The following ESRRG variants were observed in gnomAD, a reference collection of about 807,000 sequenced individuals.
ESRRG encodes estrogen-related receptor gamma.
ESRRG carries 13 observed loss-of-function variants against 44.0 expected under a neutral mutation model. The ratio of observed to expected loss-of-function variants is 0.30; its 90% confidence interval spans 0.19 to 0.47. The LOEUF (loss-of-function observed/expected upper bound fraction) is 0.47. Among genes scored for constraint, ESRRG ranks in the 20% least tolerant of loss-of-function variants. The pLI, the probability that ESRRG is intolerant of heterozygous loss-of-function variation, is 1.00. For missense variants in ESRRG, 395 were observed against 580.6 expected, an observed-to-expected ratio of 0.68 and a Z score of 3.29; for synonymous variants, 215 against 214.6, an observed-to-expected ratio of 1.00 and a Z score of -0.02.
intron 3 of ESRRG, among the ~76,000 whole-genome samples, chr1:216,615,473 A>G (rs2061297836): frequency 6.6e-6 from 1 of 152,116 alleles, no homozygotes; most frequent in Admixed American, 6.5e-5. Context: ...CATGACGTAC[A>G]ATCTCTGTTA....
At chr1:216,878,767 A>AT (rs2096396945) in intron 2 of ESRRG, among the ~76,000 whole-genome samples, 1 of 152,236 alleles carries the variant, frequency 6.6e-6, no homozygotes, top group Non-Finnish European at 1.5e-5. Context: ...AATGTTCAAA[A>AT]TAGGCTGTTG....
At chr1:216,534,323 A>G (rs1034742127) in intron 5 of ESRRG, among the ~76,000 whole-genome samples, 2 of 152,148 alleles carry the variant, frequency 1.3e-5, no homozygotes, top group Admixed American at 6.6e-5. Flanking sequence ...TATTTAGTGC[A>G]TTATTTAAAG....
chr1:217,102,119 T>A (rs1171502401), intron 1 of ESRRG, among the ~76,000 whole-genome samples: 1 of 152,220 alleles, frequency 6.6e-6, no homozygotes, highest in Non-Finnish European at 1.5e-5. Context: ...ACCAACTTTT[T>A]AAAATAAATT....
intron 2 of ESRRG, among the ~76,000 whole-genome samples, chr1:216,918,564 G>A (rs1416349240): frequency 2.0e-5 from 3 of 151,896 alleles, no homozygotes; most frequent in Admixed American, 2.0e-4. Flanking sequence ...TCCTCTTCCT[G>A]TCTCTAGAGA....
chr1:216,609,973 C>G (rs988235269), intron 3 of ESRRG, among the ~76,000 whole-genome samples: 4 of 152,108 alleles, frequency 2.6e-5, no homozygotes, highest in African/African-American at 9.7e-5. Context: ...GCATTTATCA[C>G]CTCTCAAGAG....
At chr1:216,586,434 T>C (rs948855391) in intron 3 of ESRRG, among the ~76,000 whole-genome samples, 1 of 152,192 alleles carries the variant, frequency 6.6e-6, no homozygotes, top group Non-Finnish European at 1.5e-5. Context: ...AGTTAAAAGT[T>C]TCATTAATTT....
chr1:217,005,380 C>T (rs1416541), intron 1 of ESRRG, among the ~76,000 whole-genome samples: 114,236 of 152,008 alleles, frequency 0.75, 43,607 homozygotes, highest in African/African-American at 0.87. Context: ...TTCTCCACTG[C>T]GCTAAAATGA....
At chr1:217,091,706 G>T (rs934419770), upstream of ESRRG, among the ~76,000 whole-genome samples, 5 of 152,192 alleles carry the variant, frequency 3.3e-5, no homozygotes, top group African/African-American at 1.2e-4. Context: ...GTGCAGTCTT[G>T]TCGGGTGCTT....
intron 1 of ESRRG, among the ~76,000 whole-genome samples, chr1:216,988,965 T>C (rs1489498465): frequency 6.6e-6 from 1 of 152,212 alleles, no homozygotes. Context: ...ACCACAGTCA[T>C]AGCCCTTTAA....
At chr1:216,860,436 T>C (rs983884841) in intron 2 of ESRRG, among the ~76,000 whole-genome samples, 1 of 151,856 alleles carries the variant, frequency 6.6e-6, no homozygotes, top group African/African-American at 2.4e-5. Flanking sequence ...ATAAAGAAAA[T>C]GACACCAGGG....
chr1:216,972,519 A>G (rs1306314654), intron 1 of ESRRG, among the ~76,000 whole-genome samples: 3 of 152,214 alleles, frequency 2.0e-5, no homozygotes, highest in Non-Finnish European at 4.4e-5. Context: ...ACTAACATAC[A>G]GCAGTAGCAT....
intron 2 of ESRRG, among the ~76,000 whole-genome samples, chr1:216,830,647 T>C (rs1276240007): frequency 6.6e-6 from 1 of 152,120 alleles, no homozygotes; most frequent in East Asian, 1.9e-4. Flanking sequence ...CAGACTTTTT[T>C]CACCCGCTAG....
At chr1:216,979,537 T>C (rs1218472669) in intron 1 of ESRRG, among the ~76,000 whole-genome samples, 1 of 152,028 alleles carries the variant, frequency 6.6e-6, no homozygotes, top group African/African-American at 2.4e-5. Context: ...GACAATATAA[T>C]GCAGGATAGT....
intron 2 of ESRRG, among the ~76,000 whole-genome samples, chr1:216,673,827 G>A (rs1416878318): frequency 1.3e-5 from 2 of 152,140 alleles, no homozygotes; most frequent in African/African-American, 4.8e-5. Context: ...CTCAAGGCAG[G>A]AGACATTTGT....
At chr1:216,547,532 G>C (rs948867593) in intron 5 of ESRRG, among the ~76,000 whole-genome samples, 2 of 152,024 alleles carry the variant, frequency 1.3e-5, no homozygotes, top group African/African-American at 4.8e-5. Context: ...CATTTAATGG[G>C]GCTGCACATA....
intron 2 of ESRRG, chr1:216,863,187 G>A (rs2576257): frequency 0.49 from 74,645 of 151,838 alleles, 20,800 homozygotes; most frequent in African/African-American, 0.77. Flanking sequence ...TTAAGGATCT[G>A]CATTTCTAAC....
At chr1:216,511,808 G>A (rs745941511) in intron 6 of ESRRG, among the ~76,000 whole-genome samples, 1 of 152,134 alleles carries the variant, frequency 6.6e-6, no homozygotes, top group Non-Finnish European at 1.5e-5. Flanking sequence ...AAGCCAACCC[G>A]AAGAGGTTCC....
At chr1:216,984,407 A>G (rs1018918518) in intron 1 of ESRRG, among the ~76,000 whole-genome samples, 1 of 152,248 alleles carries the variant, frequency 6.6e-6, no homozygotes, top group Admixed American at 6.5e-5. Context: ...TAACAAGCAG[A>G]GTACATATTT....
At chr1:216,815,118 C>T (rs767891638) in intron 2 of ESRRG, among the ~76,000 whole-genome samples, 1 of 152,096 alleles carries the variant, frequency 6.6e-6, no homozygotes, top group Non-Finnish European at 1.5e-5. Context: ...CTATTCTGGG[C>T]CAAGTGGTCT....
Sources: allele counts gnomAD v4.1 joint callset (sites outside exome capture counted in the v4.1 genomes callset), GRCh38; gene constraint gnomAD v4.1.1; transcripts MANE v1.5; gene names NCBI Gene and HGNC (gene_info 2026-07-23, HGNC 2026-07-21).